TEX26: variants seen among roughly 807,000 people sequenced by gnomAD.
TEX26 encodes testis-expressed protein 26.
TEX26 carries 34 observed loss-of-function variants against 35.3 expected under a neutral mutation model. The observed-to-expected ratio is 0.96, with a 90% CI of 0.73 to 1.28. The LOEUF (loss-of-function observed/expected upper bound fraction) is 1.28. Ranked by LOEUF, TEX26 falls within the 50% of genes most tolerant of loss-of-function variation. The pLI is 0.00. For synonymous variants in TEX26, 136 were observed against 111.8 expected (o/e 1.22, Z -1.36); for missense variants, 371 against 330.1 (o/e 1.12, Z -0.96).
chr13:30,953,831 C>T (rs1382002977), intron 3 of TEX26, among the ~76,000 whole-genome samples: 2 of 152,170 alleles, frequency 1.3e-5, no homozygotes, highest in African/African-American at 2.4e-5. Flanking sequence ...GTTTCATTTG[C>T]TTGACTGCCA....
Position 30,974,131 on chromosome 13 carries a change from A to AAATATATATAT in TEX26, c.809-714_809-713insATATATATATA. Among the ~76,000 whole-genome samples the AAATATATATAT allele has an allele frequency of 6.9e-4, 58 of 84,406 alleles. 1 individual carries two copies. Among genetic ancestry groups the AAATATATATAT allele is most frequent in the Non-Finnish European group, 9.4e-4 (42 of 44,704 alleles). 55.4% of individuals were successfully genotyped at this position (84,406 alleles called of 152,430 possible). A position where few individuals can be genotyped will look rare whatever the true frequency, so the allele number is the denominator to read the frequency against. On this transcript the variant is annotated intron_variant, in intron 6 of 6. Transcript: ENST00000380473. ...GTGAGCCTCCATCTAAAAAAAAAAA[A>AAATATATATAT]ATATATATATATATATATATATATA...
chr13:30,967,872 G>A (rs960315587), intron 5 of TEX26, among the ~76,000 whole-genome samples: 26 of 152,178 alleles, frequency 1.7e-4, no homozygotes, highest in Non-Finnish European at 3.4e-4. Context: ...AATGGACAAT[G>A]AGCGATGACT....
chr13:30,966,142 C>T (rs1954516857), intron 4 of TEX26, 80 bp from the exon 5 acceptor site: 2 of 1,500,882 alleles, frequency 1.3e-6, no homozygotes, highest in Non-Finnish European at 1.8e-6. Flanking sequence ...ATTGACCATA[C>T]CTCTAAACAC....
intron 6 of TEX26, among the ~76,000 whole-genome samples, chr13:30,971,878 C>G (rs1954723736): frequency 6.6e-6 from 1 of 152,210 alleles, no homozygotes; most frequent in Non-Finnish European, 1.5e-5. Flanking sequence ...ATTTGTTCAG[C>G]TATGGCTCCC....
At chr13:30,970,954 G>T (rs1444331301) in intron 6 of TEX26, among the ~76,000 whole-genome samples, 1 of 152,212 alleles carries the variant, frequency 6.6e-6, no homozygotes, top group African/African-American at 2.4e-5. Context: ...ATAAGCTAGG[G>T]TTTTGTTTCT....
rs531795384 is a variant in TEX26, at chr13:30,955,648, T to C, written c.313-1225T>C. 3.4e-4 allele frequency among the ~76,000 whole-genome samples: 52 copies of C among 152,354 alleles called. 1 individual carries two copies. In the South Asian group the frequency reaches 0.01, roughly 30 times the overall value. On this transcript the variant is annotated intron_variant, in intron 3 of 6. Transcript: ENST00000380473. ...AGTACAGTGAAGAGAGTGCTTTCTTTTTAAGATAGGAGAAATAAACGCATT... is the reference window on the plus strand; with the variant it reads ...AGTACAGTGAAGAGAGTGCTTTCTTCTTAAGATAGGAGAAATAAACGCATT...
intron 4 of TEX26, among the ~76,000 whole-genome samples, chr13:30,957,357 A>C (rs1169895469): frequency 6.6e-6 from 1 of 152,154 alleles, no homozygotes; most frequent in Non-Finnish European, 1.5e-5. Context: ...CTGCAGGAAC[A>C]TTTCAGGAAC....
chr13:30,965,504 C>CCT (rs1954496079), intron 4 of TEX26, among the ~76,000 whole-genome samples: 1 of 152,124 alleles, frequency 6.6e-6, no homozygotes, highest in Admixed American at 6.5e-5. Context: ...ACATGATATG[C>CCT]CTCTGAACTA....
intron 4 of TEX26, among the ~76,000 whole-genome samples, chr13:30,957,278 G>C (rs1277057177): frequency 6.6e-6 from 1 of 152,150 alleles, no homozygotes. Flanking sequence ...TTCCCTGCCT[G>C]GCCCAAAGGA....
chr13:30,963,000 T>G (rs988969732), intron 4 of TEX26, among the ~76,000 whole-genome samples: 2 of 151,762 alleles, frequency 1.3e-5, no homozygotes, highest in Non-Finnish European at 2.9e-5. Flanking sequence ...TTTTTTTTTT[T>G]TGTATTTTTA....
At chr13:30,973,353 G>T (rs1446169465) in intron 6 of TEX26, 1 of 152,196 alleles carries the variant, frequency 6.6e-6, no homozygotes, top group Non-Finnish European at 1.5e-5. Flanking sequence ...AAAGAAACCA[G>T]AACAGTGGCT....
chr13:30,939,157 C>T (rs1452881814), intron 1 of TEX26, among the ~76,000 whole-genome samples: 1 of 152,204 alleles, frequency 6.6e-6, no homozygotes, highest in Non-Finnish European at 1.5e-5. Flanking sequence ...ATGTGATTAC[C>T]TCCACATGTA....
intron 1 of TEX26, among the ~76,000 whole-genome samples, chr13:30,934,895 C>T (rs543283736): frequency 4.6e-5 from 7 of 152,346 alleles, no homozygotes; most frequent in South Asian, 4.1e-4. Context: ...GTGGAACCCA[C>T]GGCTGCAGAC....
intron 4 of TEX26, among the ~76,000 whole-genome samples, chr13:30,962,758 G>A (rs1270547765): frequency 3.3e-5 from 5 of 152,218 alleles, no homozygotes; most frequent in South Asian, 2.1e-4. Flanking sequence ...GATAGACAGC[G>A]GAGCTAGTTC....
rs780913149 is a variant in TEX26 at position 30,960,123 on chromosome 13, CT to C, written c.469+3097del. ...CTTTCAAAAGTTCCTCCAACACACC[CT>C]TTCTTAGGAAGCTACTGGATAGTTG... is the stretch of plus-strand genomic sequence containing the variant. On this transcript the variant is annotated intron_variant, in intron 4 of 6. Transcript: ENST00000380473. Among the ~76,000 whole-genome samples the C allele has an allele frequency of 2.6e-4, 40 of 152,222 alleles. 1 individual carries two copies. The highest frequency in any genetic ancestry group is 4.8e-4 in the Non-Finnish European group (33 of 68,044).
At position 30,967,635 on chromosome 13, in the gene TEX26, TC is replaced by T. The variant is rs559083838; in HGVS notation, c.646+1239del. Among the ~76,000 whole-genome samples, 318 of 152,312 alleles carry T rather than the reference TC, an allele frequency of 2.1e-3. 6 individuals carry two copies. Among genetic ancestry groups the T allele is most frequent in the Admixed American group, 0.019 (286 of 15,296 alleles). On this transcript the variant is annotated intron_variant, in intron 5 of 6. Coordinates refer to ENST00000380473, the MANE Select transcript of TEX26 (RefSeq NM_152325.3). ...TGTCAAATCCTCTCACCAGTTTGGT[TC>T]CTCCATTTGGCCAATGACCCCTTAA...
chr13:30,934,295 G>A (rs1257531922), intron 1 of TEX26, among the ~76,000 whole-genome samples: 3 of 152,188 alleles, frequency 2.0e-5, no homozygotes, highest in Non-Finnish European at 2.9e-5. Context: ...ATTCCCCACT[G>A]CTGGGAGAGT....
At chr13:30,964,261 C>G (rs1285250120) in intron 4 of TEX26, among the ~76,000 whole-genome samples, 4 of 152,100 alleles carry the variant, frequency 2.6e-5, no homozygotes, top group Non-Finnish European at 4.4e-5. Flanking sequence ...TGGAGGTTCT[C>G]AATGTCTGGA....
chr13:30,939,596 TG>T (rs1252998772), intron 1 of TEX26, 97 bp from the exon 2 acceptor site: 2 of 1,072,002 alleles, frequency 1.9e-6, no homozygotes, highest in Non-Finnish European at 2.8e-6. Context: ...CCATCCAAAA[TG>T]TTTTTTTCTC....
Sources: allele counts gnomAD v4.1 joint callset (sites outside exome capture counted in the v4.1 genomes callset), GRCh38; gene constraint gnomAD v4.1.1; transcripts MANE v1.5; gene names NCBI Gene and HGNC (gene_info 2026-07-23, HGNC 2026-07-21).